Variants in GABRB3 observed in about 807,000 individuals in gnomAD.
GABRB3 encodes the protein gamma-aminobutyric acid receptor subunit beta-3.
In GABRB3, 14 loss-of-function variants were observed where a neutral mutation model predicts 52.1. The observed-to-expected ratio is 0.27, with a 90% CI of 0.18 to 0.42. The LOEUF (loss-of-function observed/expected upper bound fraction) is 0.42. Ranked by LOEUF, GABRB3 falls within the 10% of genes least tolerant of loss-of-function variation. GABRB3 has a pLI of 1.00. For missense variants in GABRB3, 307 were observed against 609.1 expected (o/e 0.50, Z 5.22); for synonymous variants, 260 against 232.3 (o/e 1.12, Z -1.08).
At chr15:26,693,444 G>A (rs1345641463) in intron 3 of GABRB3, among the ~76,000 whole-genome samples, 1 of 152,144 alleles carries the variant, frequency 6.6e-6, no homozygotes, top group Non-Finnish European at 1.5e-5. Flanking sequence ...ATGTGCCCTT[G>A]TTGGCCTGGT....
intron 3 of GABRB3, among the ~76,000 whole-genome samples, chr15:26,759,093 G>A (rs1890741340): frequency 6.6e-6 from 1 of 152,086 alleles, no homozygotes; most frequent in African/African-American, 2.4e-5. Flanking sequence ...TTTTTCCTAT[G>A]ACATAATAAA....
At chr15:26,579,623 A>C (rs1208468347) in intron 6 of GABRB3, among the ~76,000 whole-genome samples, 1 of 152,236 alleles carries the variant, frequency 6.6e-6, no homozygotes. Flanking sequence ...CATTTTACAA[A>C]GCACTTTCAT....
chr15:26,563,712 T>C (rs7169596), intron 7 of GABRB3, among the ~76,000 whole-genome samples: 35,472 of 152,222 alleles, frequency 0.23, 5,333 homozygotes, highest in East Asian at 0.72. Context: ...CTAGGCTTCC[T>C]GGCCTTGCCT....
chr15:26,580,245 G>A, intron 6 of GABRB3, 74 bp downstream of exon 6: 1 of 1,563,096 alleles, frequency 6.4e-7, no homozygotes, highest in Non-Finnish European at 8.8e-7. Context: ...GTCTATGGCA[G>A]CACATTTTGT....
At chr15:26,616,281 T>C (rs1892253570) in intron 4 of GABRB3, among the ~76,000 whole-genome samples, 1 of 152,184 alleles carries the variant, frequency 6.6e-6, no homozygotes, top group Non-Finnish European at 1.5e-5. Flanking sequence ...CTGAAGTTTA[T>C]ATAGGATAGC....
At chr15:26,764,176 AAAAATATATAT>A (rs1890921123) in intron 3 of GABRB3, among the ~76,000 whole-genome samples, 2 of 12,232 alleles carry the variant, frequency 1.6e-4, no homozygotes, top group Non-Finnish European at 3.2e-4. Flanking sequence ...AAAAAAAAAA[AAAAATATATAT>A]ATATATATAT....
chr15:26,565,663 T>C (rs1890140174), intron 7 of GABRB3, among the ~76,000 whole-genome samples: 1 of 152,210 alleles, frequency 6.6e-6, no homozygotes, highest in South Asian at 2.1e-4. Context: ...GATTTAATAC[T>C]GTAGAAGGCA....
At chr15:26,684,471 T>C (rs1227813505) in intron 3 of GABRB3, among the ~76,000 whole-genome samples, 1 of 152,184 alleles carries the variant, frequency 6.6e-6, no homozygotes. Flanking sequence ...CTTTCAATAA[T>C]GTTTCCTTTG....
chr15:26,659,335 C>T (rs1887468688), intron 3 of GABRB3, among the ~76,000 whole-genome samples: 1 of 152,092 alleles, frequency 6.6e-6, no homozygotes, highest in Non-Finnish European at 1.5e-5. Flanking sequence ...ACAGCCTTGC[C>T]AAGGTGGTGA....
intron 3 of GABRB3, among the ~76,000 whole-genome samples, chr15:26,650,685 C>A (rs941836547): frequency 1.3e-5 from 2 of 152,022 alleles, no homozygotes. Flanking sequence ...ATGTGCCTAC[C>A]CTTTCCTAAT....
intron 3 of GABRB3, among the ~76,000 whole-genome samples, chr15:26,697,794 T>C (rs754564624): frequency 5.0e-4 from 76 of 152,138 alleles, no homozygotes; most frequent in Non-Finnish European, 1.3e-4. Flanking sequence ...CTGAAGAAAA[T>C]TGGTCTTAAA....
chr15:26,699,852 T>C (rs1888869708), intron 3 of GABRB3, among the ~76,000 whole-genome samples: 1 of 151,670 alleles, frequency 6.6e-6, no homozygotes, highest in African/African-American at 2.4e-5. Flanking sequence ...AAATAAGAAA[T>C]ATTTAAGAAA....
intron 3 of GABRB3, among the ~76,000 whole-genome samples, chr15:26,661,998 TC>T (rs1887567634): frequency 6.6e-6 from 1 of 152,048 alleles, no homozygotes; most frequent in Non-Finnish European, 1.5e-5. Context: ...GCCGAGATAG[TC>T]AAATTAAAAT....
Position 26,662,103 on chromosome 15 carries a change from G to A in GABRB3, c.241-40569C>T, listed in dbSNP as rs564570607. The stretch of plus-strand genomic sequence containing the variant: ...CAAAACACAATCCCTTTGAATGAAC[G>A]GAGGCTTTGGAACCTGTGCAGTGCA... On this transcript the variant is annotated intron_variant, in intron 3 of 8. Transcript: ENST00000311550. Among the ~76,000 whole-genome samples the A allele has an allele frequency of 3.9e-4, 60 of 152,212 alleles. 1 individual carries two copies. The highest frequency in any genetic ancestry group is 1.3e-3 in the African/African-American group (54 of 41,536).
intron 8 of GABRB3, among the ~76,000 whole-genome samples, chr15:26,559,473 A>T (rs2140675991): frequency 6.6e-6 from 1 of 151,728 alleles, no homozygotes; most frequent in African/African-American, 2.4e-5. Context: ...TAGCAACAGA[A>T]CAATGGCCTA....
chr15:26,732,783 G>T (rs1243177534), intron 3 of GABRB3, among the ~76,000 whole-genome samples: 1 of 152,124 alleles, frequency 6.6e-6, no homozygotes. Context: ...GAGGTCAGGA[G>T]ATCAAGACCA....
intron 3 of GABRB3, among the ~76,000 whole-genome samples, chr15:26,659,790 C>T (rs940219872): frequency 1.2e-4 from 18 of 152,124 alleles, no homozygotes; most frequent in Admixed American, 3.3e-4. Flanking sequence ...CCATGAGCAC[C>T]GGCCTGCACT....
intron 3 of GABRB3, among the ~76,000 whole-genome samples, chr15:26,752,432 T>C (rs1890538494): frequency 6.6e-6 from 1 of 151,642 alleles, no homozygotes; most frequent in Non-Finnish European, 1.5e-5. Flanking sequence ...CCCAGCTAAT[T>C]TTTTGTTTAT....
Position 26,547,735 on chromosome 15 carries a change from G to A in GABRB3, c.*58C>T, listed in dbSNP as rs1339022205. 1 of 1,401,986 alleles carries A rather than the reference G, an allele frequency of 7.1e-7. No individual in the cohort carries two copies. Among genetic ancestry groups the A allele is most frequent in the Non-Finnish European group, 1.0e-6 (1 of 990,162 alleles). The allele number at this position is 1,401,986 out of a possible 1,614,324, so 86.8% of individuals were successfully genotyped here. A position where few individuals can be genotyped will look rare whatever the true frequency, so the allele number is the denominator to read the frequency against. ...GTGTACAGGTATAAAAACTTGACAG[G>A]CAGAGTAATATTTCACTCAGTGTTA... On this transcript the variant is annotated 3_prime_UTR_variant, in exon 9 of 9. Coordinates refer to ENST00000311550, the MANE Select transcript of GABRB3 (RefSeq NM_000814.6).
Sources: allele counts gnomAD v4.1 joint callset (sites outside exome capture counted in the v4.1 genomes callset), GRCh38; gene constraint gnomAD v4.1.1; transcripts MANE v1.5; gene names NCBI Gene and HGNC (gene_info 2026-07-23, HGNC 2026-07-21).